Variants in ROBO1 observed in about 807,000 individuals in gnomAD.
The protein encoded by ROBO1 is roundabout guidance receptor 1.
ROBO1 carries 149 observed loss-of-function variants against 195.9 expected under a neutral mutation model. That is an observed-to-expected ratio of 0.76 (90% CI 0.67 to 0.87). ROBO1 has a LOEUF of 0.87. ROBO1 is among the 40% of genes least tolerant of loss of function. The pLI is 0.00. For synonymous variants in ROBO1, 816 were observed against 733.2 expected, an observed-to-expected ratio of 1.11 and a Z score of -1.82; for missense variants, 1,933 against 2,068.3, an observed-to-expected ratio of 0.93 and a Z score of 1.27.
At chr3:79,716,059 TA>T (rs1011129012) in intron 1 of ROBO1, among the ~76,000 whole-genome samples, 21 of 152,160 alleles carry the variant, frequency 1.4e-4, no homozygotes, top group African/African-American at 5.1e-4. Flanking sequence ...TTCCCCTTTA[TA>T]AAAAGTTATA....
At chr3:79,449,684 A>G (rs140840651) in intron 2 of ROBO1, among the ~76,000 whole-genome samples, 74 of 152,334 alleles carry the variant, frequency 4.9e-4, no homozygotes, top group African/African-American at 1.7e-3. Context: ...GAAGGAGTCA[A>G]TAAAAGGAAA....
At chr3:79,395,007 C>T (rs1456665062) in intron 2 of ROBO1, among the ~76,000 whole-genome samples, 1 of 152,034 alleles carries the variant, frequency 6.6e-6, no homozygotes, top group Non-Finnish European at 1.5e-5. Context: ...AGTAGACCAT[C>T]ATTTTCAATA....
At chr3:79,611,455 TAAGA>T (rs1353079330) in intron 1 of ROBO1, among the ~76,000 whole-genome samples, 5 of 151,980 alleles carry the variant, frequency 3.3e-5, no homozygotes, top group Non-Finnish European at 7.4e-5. Context: ...AATATGAGAA[TAAGA>T]AAGAATAGCA....
At chr3:79,300,635 C>T (rs992629108) in intron 2 of ROBO1, among the ~76,000 whole-genome samples, 2 of 152,196 alleles carry the variant, frequency 1.3e-5, no homozygotes, top group Non-Finnish European at 2.9e-5. Flanking sequence ...CAGGCAGCTC[C>T]ACCTGCAGCC....
intron 1 of ROBO1, among the ~76,000 whole-genome samples, chr3:79,675,850 T>G (rs919261512): frequency 6.6e-6 from 1 of 151,976 alleles, no homozygotes; most frequent in African/African-American, 2.4e-5. Context: ...TCTAAGAAGG[T>G]TTCTATCAGG....
At chr3:79,127,262 G>C (rs986540297) in intron 2 of ROBO1, among the ~76,000 whole-genome samples, 1 of 152,096 alleles carries the variant, frequency 6.6e-6, no homozygotes, top group Non-Finnish European at 1.5e-5. Context: ...TGTGTGTTTT[G>C]AGGCAGTGTT....
In ROBO1 at chr3:78,717,822, C is replaced by A; in HGVS notation, c.719G>T (p.Cys240Phe). ...TRKSDAGKYV[C>F]VGTNMVGERE... is the part of the protein sequence containing the mutation. ...TTCCCCAACCATATTGGTACCAACACAAACATATTTGCCAGCGTCACTTTT... is the reference window on the plus strand; with the variant it reads ...TTCCCCAACCATATTGGTACCAACAAAAACATATTTGCCAGCGTCACTTTT... Residue 240 changes from cysteine to phenylalanine, a missense_variant, in exon 6 of 31, where the codon TGT becomes TTT. Cys to Phe is a radical substitution (Grantham distance 205). Coordinates refer to ENST00000464233, the MANE Select transcript of ROBO1 (RefSeq NM_002941.4). 6.2e-7 allele frequency: 1 copy of A among 1,613,762 alleles called. No individual in the cohort carries two copies. The highest frequency in any genetic ancestry group is 8.5e-7 in the Non-Finnish European group (1 of 1,179,758).
chr3:78,657,726 C>T (rs578137723), intron 17 of ROBO1, among the ~76,000 whole-genome samples: 45 of 152,310 alleles, frequency 3.0e-4, no homozygotes, highest in African/African-American at 9.4e-4. Flanking sequence ...GAGTAGGAAA[C>T]GCCAAGCCTC....
At chr3:79,365,896 C>CAAA (rs5850423) in intron 2 of ROBO1, among the ~76,000 whole-genome samples, 8 of 126,472 alleles carry the variant, frequency 6.3e-5, no homozygotes, top group African/African-American at 1.2e-4. Context: ...GACTCCGTCT[C>CAAA]AAAAAAAAAA....
chr3:79,631,416 G>A (rs1046374406), intron 1 of ROBO1, among the ~76,000 whole-genome samples: 2 of 151,904 alleles, frequency 1.3e-5, no homozygotes, highest in Non-Finnish European at 2.9e-5. Flanking sequence ...ATTGTGCTGA[G>A]AAAATTGGAT....
At chr3:79,700,399 A>G (rs2107154566) in intron 1 of ROBO1, among the ~76,000 whole-genome samples, 1 of 150,822 alleles carries the variant, frequency 6.6e-6, no homozygotes, top group African/African-American at 2.4e-5. Context: ...CAGTAATGGG[A>G]TTGCTGGGTC....
intron 2 of ROBO1, among the ~76,000 whole-genome samples, chr3:79,434,605 A>G (rs2038811901): frequency 1.3e-5 from 2 of 152,132 alleles, no homozygotes; most frequent in African/African-American, 2.4e-5. Context: ...ACACTTTTAC[A>G]CTGTTGGTGG....
intron 4 of ROBO1, among the ~76,000 whole-genome samples, chr3:78,784,504 G>C (rs1005534688): frequency 1.3e-5 from 2 of 152,084 alleles, no homozygotes; most frequent in African/African-American, 2.4e-5. Flanking sequence ...TCTAGGTATA[G>C]AATGCATGGT....
chr3:79,503,134 T>C lies in ROBO1; in HGVS notation c.88+86690A>G, dbSNP rs530289343. Among the ~76,000 whole-genome samples, 4 of 152,288 alleles carry C rather than the reference T, an allele frequency of 2.6e-5. No homozygotes were observed. The South Asian group carries it at 8.3e-4, about 32-fold the overall frequency. ...TCACTCTTTGGGTCTACACTGCCAT[T>C]ATGAGCTGTAACACTCACTGCGAAG... On this transcript the variant is annotated intron_variant, in intron 2 of 30. Transcript: ENST00000464233.
chr3:79,434,972 C>G (rs958684141), intron 2 of ROBO1, among the ~76,000 whole-genome samples: 1 of 152,028 alleles, frequency 6.6e-6, no homozygotes, highest in Non-Finnish European at 1.5e-5. Flanking sequence ...GACAAAAAAC[C>G]AAACACCGCA....
intron 2 of ROBO1, among the ~76,000 whole-genome samples, chr3:79,249,803 G>A (rs2082687444): frequency 6.6e-6 from 1 of 152,166 alleles, no homozygotes; most frequent in South Asian, 2.1e-4. Context: ...GAAGAAAGAA[G>A]TGTGTACGTT....
chr3:79,038,499 T>C (rs945677452), intron 3 of ROBO1, among the ~76,000 whole-genome samples: 67 of 152,164 alleles, frequency 4.4e-4, no homozygotes, highest in African/African-American at 1.5e-3. Context: ...ACACCCTTGA[T>C]TTACAGAAAT....
rs907633332 is a variant in ROBO1, at chr3:79,396,295, C to T, written c.88+193529G>A. 4.0e-5 allele frequency among the ~76,000 whole-genome samples: 6 copies of T among 151,864 alleles called. No homozygotes were observed. The South Asian group carries it at 6.2e-4, about 16-fold the overall frequency. ...TTTTGATAGTAAGTGAAAGCCTTAA[C>T]GATAACTAATATTTTTTCATCTTCC... On this transcript the variant is annotated intron_variant, in intron 2 of 30. Coordinates refer to ENST00000464233, the MANE Select transcript of ROBO1 (RefSeq NM_002941.4).
intron 1 of ROBO1, among the ~76,000 whole-genome samples, chr3:79,687,540 C>G (rs938829640): frequency 1.3e-5 from 2 of 151,830 alleles, no homozygotes; most frequent in African/African-American, 2.4e-5. Context: ...AAAAGCAACC[C>G]CATCAAAAAG....
Sources: gnomAD v4.1 joint callset for allele counts (sites outside exome capture counted in the v4.1 genomes callset) on GRCh38, gnomAD v4.1.1 for gene constraint, MANE v1.5 for transcripts, NCBI Gene and HGNC (gene_info 2026-07-23, HGNC 2026-07-21) for gene names.